Variants in TENT4B observed in about 807,000 individuals in gnomAD.
TENT4B encodes the protein terminal nucleotidyltransferase 4B, also known as PAP associated domain containing 5.
Under a neutral mutation model 75.0 loss-of-function variants are expected in TENT4B, and 10 were observed. The observed-to-expected ratio is 0.13, with a 90% CI of 0.08 to 0.23. TENT4B has a LOEUF of 0.23. Among genes scored for constraint, TENT4B ranks in the 10% least tolerant of loss-of-function variants. TENT4B has a pLI of 1.00. For synonymous variants in TENT4B, 350 were observed against 357.7 expected (o/e 0.98, Z 0.24); for missense variants, 579 against 893.8 (o/e 0.65, Z 4.49).
intron 1 of TENT4B, among the ~76,000 whole-genome samples, chr16:50,167,043 C>T (rs2038114730): frequency 6.6e-6 from 1 of 152,174 alleles, no homozygotes; most frequent in African/African-American, 2.4e-5. Context: ...CACGACTCAT[C>T]TTCCTGAGTA....
At chr16:50,173,146 A>G (rs562943152) in intron 1 of TENT4B, among the ~76,000 whole-genome samples, 31 of 152,164 alleles carry the variant, frequency 2.0e-4, no homozygotes, top group African/African-American at 7.0e-4. Context: ...GTTTTACCAT[A>G]TTGGTCAGGC....
chr16:50,158,539 C>T (rs2037944126), intron 1 of TENT4B, among the ~76,000 whole-genome samples: 1 of 152,160 alleles, frequency 6.6e-6, no homozygotes, highest in African/African-American at 2.4e-5. Flanking sequence ...AATTGTTTAT[C>T]ACTATGGAGA....
chr16:50,195,781 T>C (rs975908772), intron 1 of TENT4B, among the ~76,000 whole-genome samples: 1 of 152,226 alleles, frequency 6.6e-6, no homozygotes. Context: ...ATAAAAAATA[T>C]ACATATAAAT....
At position 50,153,690 on chromosome 16, in the gene TENT4B, C is replaced by G. The variant is rs1373674458; in HGVS notation, c.69C>G (p.Ile23Met). The G allele has an allele frequency of 5.7e-5, 59 of 1,026,564 alleles. No homozygotes were observed. The highest frequency in any genetic ancestry group is 6.8e-5 in the Non-Finnish European group (58 of 857,772). The allele number at this position is 1,026,564 out of a possible 1,614,324, so 63.6% of individuals were successfully genotyped here. A position where few individuals can be genotyped will look rare whatever the true frequency, so the allele number is the denominator to read the frequency against. ...CGTCCAACAGTCTGTGGATGCAGAT[C>G]TGGGAGACGACCCAGGGGCTGAGGA... ...LGPSNSLWMQ[I>M]WETTQGLRNL... The change falls in exon 1 of 12, where the codon ATC becomes ATG. Residue 23 changes from isoleucine to methionine, a missense_variant. Transcript: ENST00000561678.
intron 1 of TENT4B, among the ~76,000 whole-genome samples, chr16:50,203,195 C>A (rs1195197015): frequency 6.6e-6 from 1 of 152,108 alleles, no homozygotes; most frequent in African/African-American, 2.4e-5. Flanking sequence ...CTTCTTTTTC[C>A]TTTTAAATCT....
At chr16:50,177,027 G>T (rs2038324281) in intron 1 of TENT4B, among the ~76,000 whole-genome samples, 2 of 150,788 alleles carry the variant, frequency 1.3e-5, no homozygotes, top group African/African-American at 4.9e-5. Context: ...TTTTGAGATG[G>T]AATCTTGCTC....
intron 1 of TENT4B, among the ~76,000 whole-genome samples, chr16:50,174,394 G>A (rs1212306376): frequency 2.0e-5 from 3 of 152,176 alleles, no homozygotes; most frequent in South Asian, 2.1e-4. Flanking sequence ...CACCATGCCC[G>A]GCTTATTGTT....
chr16:50,224,885 A>C lies in TENT4B; in HGVS notation c.1509-6A>C. The C allele has an allele frequency of 6.2e-7, 1 of 1,612,922 alleles. No homozygotes were observed. Among genetic ancestry groups the C allele is most frequent in the Non-Finnish European group, 8.5e-7 (1 of 1,179,054 alleles). ...TCCCTCTCCCTTTCTTTTTAAACAC[A>C]TGCAGCATACTAGGTAGAATAATTA... On this transcript the variant is annotated splice_region_variant and splice_polypyrimidine_tract_variant and intron_variant, in intron 8 of 11. Transcript: ENST00000561678.
At chr16:50,206,354 A>ATTTTTTTTTTTTTTTTT in intron 1 of TENT4B, among the ~76,000 whole-genome samples, 1 of 96,550 alleles carries the variant, frequency 1.0e-5, no homozygotes, top group Non-Finnish European at 2.1e-5. Context: ...ATATGTATGT[A>ATTTTTTTTTTTTTTTTT]TTTTTTTTTT....
At chr16:50,197,959 C>A (rs563521858) in intron 1 of TENT4B, among the ~76,000 whole-genome samples, 1 of 152,088 alleles carries the variant, frequency 6.6e-6, no homozygotes, top group Admixed American at 6.5e-5. Flanking sequence ...CTTGATTTAA[C>A]ACATTAAATC....
chr16:50,231,247 TG>T lies in TENT4B; in HGVS notation c.*1920del. The T allele has an allele frequency of 3.0e-6, 3 of 985,484 alleles. No individual in the cohort carries two copies. Among genetic ancestry groups the T allele is most frequent in the Non-Finnish European group, 3.6e-6 (3 of 829,574 alleles). The allele number at this position is 985,484 out of a possible 1,614,324, so 61.0% of individuals were successfully genotyped here. On this transcript the variant is annotated 3_prime_UTR_variant, in exon 12 of 12. Transcript: ENST00000561678. The stretch of plus-strand genomic sequence containing the variant: ...ATTCTGATCAGAATTTTTATTGAGA[TG>T]TTGAGCTTTTGTTTTTGAAACTAGT...
At chr16:50,187,935 C>T (rs911243841) in intron 1 of TENT4B, among the ~76,000 whole-genome samples, 46 of 151,978 alleles carry the variant, frequency 3.0e-4, no homozygotes, top group Non-Finnish European at 4.6e-4. Flanking sequence ...TCTTTTCTTT[C>T]TTTATTTTTT....
chr16:50,155,980 C>T (rs996365049), intron 1 of TENT4B, among the ~76,000 whole-genome samples: 1 of 151,994 alleles, frequency 6.6e-6, no homozygotes, highest in Non-Finnish European at 1.5e-5. Flanking sequence ...ATTGTCCTCT[C>T]CTCTACTTGC....
At chr16:50,221,882 G>T (rs1215102875) in intron 5 of TENT4B, among the ~76,000 whole-genome samples, 3 of 151,826 alleles carry the variant, frequency 2.0e-5, no homozygotes, top group African/African-American at 7.3e-5. Context: ...TCCTGCCTCA[G>T]CCTCCCAAGT....
intron 1 of TENT4B, among the ~76,000 whole-genome samples, chr16:50,209,900 CT>C (rs984627541): frequency 3.6e-4 from 55 of 152,230 alleles, no homozygotes; most frequent in South Asian, 2.1e-4. Context: ...GATGTAGACA[CT>C]TTTTTTTCCT....
chr16:50,230,781 C>T lies in TENT4B; in HGVS notation c.*1453C>T. ...ATCATTACCTGTTGAGTTTGAAACT[C>T]AGTTGGGAATATTTAATATAATAGA... On this transcript the variant is annotated 3_prime_UTR_variant, in exon 12 of 12. Coordinates refer to ENST00000561678, the MANE Select transcript of TENT4B (RefSeq NM_001365324.3). 1 of 985,648 alleles carries T rather than the reference C, an allele frequency of 1.0e-6. No individual in the cohort carries two copies. Among genetic ancestry groups the T allele is most frequent in the Non-Finnish European group, 1.2e-6 (1 of 829,854 alleles). 61.1% of individuals were successfully genotyped at this position (985,648 alleles called of 1,614,324 possible). A position where few individuals can be genotyped will look rare whatever the true frequency, so the allele number is the denominator to read the frequency against.
intron 1 of TENT4B, among the ~76,000 whole-genome samples, chr16:50,185,893 A>G (rs1299995357): frequency 1.3e-5 from 2 of 152,096 alleles, no homozygotes; most frequent in African/African-American, 4.8e-5. Flanking sequence ...CTATGTTTAC[A>G]TCTATTAGTA....
rs186610052 is a variant in TENT4B at position 50,191,984 on chromosome 16, T to G, written c.639-19339T>G. 1.0e-3 allele frequency among the ~76,000 whole-genome samples: 156 copies of G among 152,066 alleles called. 2 individuals are homozygous for G. The highest frequency in any genetic ancestry group is 0.01 in the East Asian group (52 of 5,154). ...TAGGCCGGGCATGGTGTCTCACGCTTGTAATCCCAGTGCTTTGAGAGGCCG... is the reference window on the plus strand; with the variant it reads ...TAGGCCGGGCATGGTGTCTCACGCTGGTAATCCCAGTGCTTTGAGAGGCCG... On this transcript the variant is annotated intron_variant, in intron 1 of 11. Coordinates refer to ENST00000561678, the MANE Select transcript of TENT4B (RefSeq NM_001365324.3).
At position 50,184,904 on chromosome 16, in the gene TENT4B, T is replaced by A. The variant is rs963922544; in HGVS notation, c.639-26419T>A. On this transcript the variant is annotated intron_variant, in intron 1 of 11. Transcript: ENST00000561678. ...GCATACATTTTTCATTTCTCTTGGG[T>A]CAATATCTAGGAGTATCCCCACTTT... Among the ~76,000 whole-genome samples, 4 of 152,070 alleles carry A rather than the reference T, an allele frequency of 2.6e-5. No homozygotes were observed. The East Asian group carries it at 7.7e-4, about 29-fold the overall frequency.
Sources: gnomAD v4.1 joint callset for allele counts (sites outside exome capture counted in the v4.1 genomes callset) on GRCh38, gnomAD v4.1.1 for gene constraint, MANE v1.5 for transcripts, NCBI Gene and HGNC (gene_info 2026-07-23, HGNC 2026-07-21) for gene names.